Variants in BAIAP2 observed in about 807,000 individuals in gnomAD.
The protein encoded by BAIAP2 is BAR/IMD domain-containing adapter protein 2.
BAIAP2 carries 18 observed loss-of-function variants against 63.0 expected under a neutral mutation model. That is an observed-to-expected ratio of 0.29 (90% CI 0.20 to 0.42). BAIAP2 has a LOEUF of 0.42. BAIAP2 is among the 10% of genes least tolerant of loss of function. The pLI is 1.00. For missense variants in BAIAP2, 610 were observed against 734.3 expected, an observed-to-expected ratio of 0.83 and a Z score of 1.96; for synonymous variants, 386 against 307.6, an observed-to-expected ratio of 1.25 and a Z score of -2.67.
chr17:81,035,268 G>C lies in BAIAP2; in HGVS notation c.14G>C (p.Arg5Pro), dbSNP rs753024709. MSLSRSEEMHRLTEN... is the reference protein window; with the variant it reads MSLSPSEEMHRLTEN... ...GGACCCAGGACCATGTCTCTGTCTCGCTCAGAGGAGATGCACCGGCTCACG... is the reference window on the plus strand; with the variant it reads ...GGACCCAGGACCATGTCTCTGTCTCCCTCAGAGGAGATGCACCGGCTCACG... The change falls in exon 1 of 14, where the codon CGC becomes CCC. Residue 5 changes from arginine (R) to proline (P), a missense_variant. Physicochemically the swap from Arg to Pro is moderately radical, Grantham distance 103. This residue lies in a region of BAIAP2 where 389 missense variants were observed against 455.6 expected (regional missense o/e 0.85). Coordinates refer to ENST00000428708, the MANE Select transcript of BAIAP2 (RefSeq NM_001144888.2). 6.6e-7 allele frequency: 1 copy of C among 1,521,360 alleles called. No individual in the cohort carries two copies. Among genetic ancestry groups the C allele is most frequent in the South Asian group, 1.2e-5 (1 of 81,632 alleles). The allele number at this position is 1,521,360 out of a possible 1,614,324, so 94.2% of individuals were successfully genotyped here.
At chr17:81,099,887 C>G in intron 6 of BAIAP2, 41 bp from the exon 7 acceptor site, 1 of 1,600,222 alleles carries the variant, frequency 6.2e-7, no homozygotes, top group South Asian at 1.1e-5. Flanking sequence ...GACAGGCGTC[C>G]TTCCATCGCT....
At position 81,084,837 on chromosome 17, in the gene BAIAP2, G is replaced by A. The variant is rs1333493352; in HGVS notation, c.223G>A (p.Val75Ile). ...ESQGSKELGD[V>I]LFQMAEVHRQ... ...TCTGCTGTTCTGCTTCCCAGGAGAC[G>A]TTCTCTTCCAGATGGCTGAAGTCCA... is the stretch of plus-strand genomic sequence containing the variant. Residue 75 changes from valine to isoleucine, a missense_variant, in exon 4 of 14, where the codon GTT becomes ATT. Around this residue, in one of 5 missense-constraint regions of BAIAP2, gnomAD observed 389 missense variants for 455.6 expected, o/e 0.85. Transcript: ENST00000428708. The A allele has an allele frequency of 1.9e-6, 3 of 1,613,658 alleles. No individual in the cohort carries two copies. Among genetic ancestry groups the A allele is most frequent in the South Asian group, 1.1e-5 (1 of 91,078 alleles).
rs371922315 is a variant in BAIAP2, at chr17:81,066,921, C to T, written c.217+8954C>T. On this transcript the variant is annotated intron_variant, in intron 3 of 13. Coordinates refer to ENST00000428708, the MANE Select transcript of BAIAP2 (RefSeq NM_001144888.2). ...ATGGGCATGACACCTGCTTTCAGGC[C>T]CTCACGGCAGGGCCTTGCCTTGTAG... Among the ~76,000 whole-genome samples, 35 of 152,350 alleles carry T rather than the reference C, an allele frequency of 2.3e-4. No individual in the cohort carries two copies. The East Asian group carries it at 3.9e-3, about 17-fold the overall frequency.
intron 5 of BAIAP2, 58 bp downstream of exon 5, chr17:81,085,783 A>G: frequency 1.5e-6 from 2 of 1,362,904 alleles, no homozygotes; most frequent in African/African-American, 2.9e-5. Flanking sequence ...GCTCTCCCAA[A>G]TGCCTGCCAC....
intron 13 of BAIAP2, chr17:81,110,508 AT>A: frequency 9.4e-7 from 1 of 1,060,878 alleles, no homozygotes; most frequent in Non-Finnish European, 1.1e-6. Flanking sequence ...AGTTTTATTT[AT>A]TGCACGAGTT....
At position 81,055,007 on chromosome 17, in the gene BAIAP2, A is replaced by T. The variant is rs564526390; in HGVS notation, c.130+1264A>T. 1.1e-4 allele frequency among the ~76,000 whole-genome samples: 16 copies of T among 152,310 alleles called. No homozygotes were observed. The East Asian group carries it at 2.9e-3, about 28-fold the overall frequency. Reference sequence around the variant, plus strand: ...GTAACTGCAGCATCTTCATGGGCAGAGTCCACATCCCCAGCAGGGAGGAGA... The same window carrying T: ...GTAACTGCAGCATCTTCATGGGCAGTGTCCACATCCCCAGCAGGGAGGAGA... On this transcript the variant is annotated intron_variant, in intron 2 of 13. Transcript: ENST00000428708.
chr17:81,039,231 A>G (rs2046752754), intron 1 of BAIAP2, among the ~76,000 whole-genome samples: 3 of 152,132 alleles, frequency 2.0e-5, no homozygotes, highest in Admixed American at 1.3e-4. Context: ...GGGCACAAAG[A>G]CCGGCTGCCG....
At chr17:81,088,843 G>A (rs1169311573) in intron 6 of BAIAP2, among the ~76,000 whole-genome samples, 1 of 152,262 alleles carries the variant, frequency 6.6e-6, no homozygotes, top group African/African-American at 2.4e-5. Context: ...GCTGGAGATC[G>A]CGGCGGGGTA....
chr17:81,106,391 G>A (rs1038007541), intron 11 of BAIAP2, among the ~76,000 whole-genome samples: 14 of 152,208 alleles, frequency 9.2e-5, no homozygotes, highest in Non-Finnish European at 2.9e-5. Context: ...TGCTATGGGG[G>A]CAGCTCCTGG....
chr17:81,062,240 C>T (rs928126674), intron 3 of BAIAP2, among the ~76,000 whole-genome samples: 7 of 152,008 alleles, frequency 4.6e-5, no homozygotes, highest in Non-Finnish European at 1.0e-4. Flanking sequence ...CATGAGCCAT[C>T]GCACCCAGAT....
chr17:81,044,621 C>A (rs1228479356), intron 1 of BAIAP2, among the ~76,000 whole-genome samples: 1 of 152,228 alleles, frequency 6.6e-6, no homozygotes, highest in Non-Finnish European at 1.5e-5. Context: ...TGACACCCAG[C>A]GGACCCCACC....
chr17:81,095,928 G>A lies in BAIAP2; in HGVS notation c.490-4000G>A, dbSNP rs112121792. On this transcript the variant is annotated intron_variant, in intron 6 of 13. Transcript: ENST00000428708. ...GTACCCCTCGCTGTACTCTCCCCTG[G>A]GGAACTGAGCATGAGCGTGAGAAAG... Among the ~76,000 whole-genome samples, 1,124 of 152,224 alleles carry A rather than the reference G, an allele frequency of 7.4e-3. 21 individuals are homozygous for A. Among genetic ancestry groups the A allele is most frequent in the African/African-American group, 0.026 (1,092 of 41,522 alleles).
intron 3 of BAIAP2, among the ~76,000 whole-genome samples, chr17:81,075,687 T>A (rs753655643): frequency 2.0e-5 from 3 of 152,206 alleles, no homozygotes; most frequent in Admixed American, 6.5e-5. Flanking sequence ...CTTTCAGTGC[T>A]ACGCGTATCA....
At chr17:81,066,024 C>T (rs2051393808) in intron 3 of BAIAP2, among the ~76,000 whole-genome samples, 3 of 152,276 alleles carry the variant, frequency 2.0e-5, no homozygotes, top group African/African-American at 7.2e-5. Context: ...CATGTCCAGC[C>T]TGTCTATCTG....
intron 13 of BAIAP2, chr17:81,109,749 T>A: frequency 1.0e-6 from 1 of 985,350 alleles, no homozygotes; most frequent in African/African-American, 1.7e-5. Context: ...GGGAGCAAGG[T>A]CGGGGGCAGG....
rs138656369 is a variant in BAIAP2 at position 81,055,569 on chromosome 17, G to GGTTTTTTTTTTTTTTTTTTTTTTTTTT, written c.130+1826_130+1827insGTTTTTTTTTTTTTTTTTTTTTTTTTT. On this transcript the variant is annotated intron_variant, in intron 2 of 13. Coordinates refer to ENST00000428708, the MANE Select transcript of BAIAP2 (RefSeq NM_001144888.2). ...TTCCTCCAGCGAAAGTCTGCAGGGT[G>GGTTTTTTTTTTTTTTTTTTTTTTTTTT]TTTTGTTTTTTTTTGAGACGGAGTC... 1.9e-3 allele frequency among the ~76,000 whole-genome samples: 176 copies of GGTTTTTTTTTTTTTTTTTTTTTTTTTT among 93,862 alleles called. 30 individuals are homozygous for GGTTTTTTTTTTTTTTTTTTTTTTTTTT. The highest frequency in any genetic ancestry group is 8.2e-3 in the East Asian group (24 of 2,938). 61.6% of individuals were successfully genotyped at this position (93,862 alleles called of 152,430 possible). A position where few individuals can be genotyped will look rare whatever the true frequency, so the allele number is the denominator to read the frequency against.
intron 2 of BAIAP2, among the ~76,000 whole-genome samples, chr17:81,057,130 C>T (rs1334846997): frequency 1.3e-5 from 2 of 152,228 alleles, no homozygotes; most frequent in Non-Finnish European, 2.9e-5. Context: ...ACACTGCTCT[C>T]CGGGGCCCTG....
At position 81,082,695 on chromosome 17, in the gene BAIAP2, G is replaced by A. The variant is rs149426791; in HGVS notation, c.218-2137G>A. Among the ~76,000 whole-genome samples the A allele has an allele frequency of 9.6e-4, 146 of 152,308 alleles. 1 individual carries two copies. The highest frequency in any genetic ancestry group is 3.3e-3 in the African/African-American group (139 of 41,572). On this transcript the variant is annotated intron_variant, in intron 3 of 13. Transcript: ENST00000428708. ...GAAATCTGTGCCCCTGACACGGAGC[G>A]TTCGGCTTTGGGAACAGGCCTAGCA...
At chr17:81,113,479 C>T (rs1022045045) in intron 13 of BAIAP2, among the ~76,000 whole-genome samples, 17 of 152,216 alleles carry the variant, frequency 1.1e-4, no homozygotes, top group Non-Finnish European at 2.4e-4. Flanking sequence ...GCGAGCTCCC[C>T]GCCGGCCTCC....
Sources: gnomAD v4.1 joint callset for allele counts (sites outside exome capture counted in the v4.1 genomes callset) on GRCh38, gnomAD v4.1.1 for gene constraint, gnomAD v4.1.1 regional missense constraint, MANE v1.5 for transcripts, NCBI Gene and HGNC (gene_info 2026-07-23, HGNC 2026-07-21) for gene names.